PDAP1: variants seen among roughly 807,000 people sequenced by gnomAD.
PDAP1 encodes the protein PDGFA associated protein 1.
In PDAP1, 13 loss-of-function variants were observed where a neutral mutation model predicts 28.0. The ratio of observed to expected loss-of-function variants is 0.46; its 90% CI spans 0.30 to 0.74. The LOEUF (loss-of-function observed/expected upper bound fraction) is 0.74. Ranked by LOEUF, PDAP1 falls within the 30% of genes least tolerant of loss-of-function variation. The pLI, the probability that PDAP1 is intolerant of heterozygous loss-of-function variation, is 0.07. For missense variants in PDAP1, 150 were observed against 230.0 expected, an observed-to-expected ratio of 0.65 and a Z score of 2.25; for synonymous variants, 77 against 85.1, an observed-to-expected ratio of 0.91 and a Z score of 0.52.
chr7:99,397,063 G>A (rs1172525851), intron 5 of PDAP1, among the ~76,000 whole-genome samples: 3 of 152,126 alleles, frequency 2.0e-5, no homozygotes, highest in Non-Finnish European at 4.4e-5. Flanking sequence ...CTCCCTCCAC[G>A]GGTTCTGAAG....
chr7:99,406,968 C>T (rs1794983118), intron 1 of PDAP1, among the ~76,000 whole-genome samples: 1 of 152,192 alleles, frequency 6.6e-6, no homozygotes, highest in Non-Finnish European at 1.5e-5. Context: ...TTCTTGCTCT[C>T]TTAATACACC....
intron 1 of PDAP1, 79 bp from the exon 2 acceptor site, chr7:99,405,032 G>A: frequency 9.4e-7 from 1 of 1,063,552 alleles, no homozygotes; most frequent in East Asian, 2.4e-5. Flanking sequence ...GTCCTGCTTG[G>A]AGTACTCTCA....
intron 3 of PDAP1, among the ~76,000 whole-genome samples, chr7:99,402,755 G>A (rs1467732846): frequency 9.3e-5 from 14 of 151,124 alleles, no homozygotes; most frequent in South Asian, 4.2e-4. Flanking sequence ...GGTGGCAGGC[G>A]CCTGTAGTCC....
In PDAP1 at chr7:99,400,394, C is replaced by T. The variant is rs1217427634; in HGVS notation, c.244G>A (p.Asp82Asn). The change falls in exon 4 of 6, where the codon GAC (aspartate) becomes AAC (asparagine). Residue 82 changes from aspartate to asparagine, a missense_variant. By Grantham distance (23) the Asp-to-Asn change is conservative. Transcript: ENST00000350498. ...GCCACCCGGTTGGGGTTCTCGATGT[C>T]GATGAGCCCTTCAACGCCTTTGCGC... ...QKRKGVEGLI[D>N]IENPNRVAQT... The T allele has an allele frequency of 1.4e-5, 22 of 1,614,004 alleles. No individual in the cohort carries two copies. Among genetic ancestry groups the T allele is most frequent in the Admixed American group, 1.7e-5 (1 of 59,990 alleles).
In PDAP1 at chr7:99,394,779, TAAAAAAAAA is replaced by T. The variant is rs773085531; in HGVS notation, c.*1894_*1902del. The T allele has an allele frequency of 1.1e-5, 11 of 958,252 alleles. No individual in the cohort carries two copies. In the East Asian group the frequency reaches 1.8e-4, roughly 16 times the overall value. 59.4% of individuals were successfully genotyped at this position (958,252 alleles called of 1,614,324 possible). A position where few individuals can be genotyped will look rare whatever the true frequency, so the allele number is the denominator to read the frequency against. On this transcript the variant is annotated 3_prime_UTR_variant, in exon 6 of 6. Transcript: ENST00000350498. ...GTGGAGGTAATAAAATGCAACTGTGTAAAAAAAAAAAAAAAAAAAAAAGTAATTATGGAC... is the reference window on the plus strand; with the variant it reads ...GTGGAGGTAATAAAATGCAACTGTGTAAAAAAAAAAAAAGTAATTATGGAC...
Position 99,403,462 on chromosome 7 carries a change from T to A in PDAP1, c.149A>T (p.Asp50Val), listed in dbSNP as rs1291510806. Residue 50 changes from aspartate to valine, a missense_variant, in exon 3 of 6, where the codon GAC becomes GTC. Asp to Val is a radical substitution (Grantham distance 152, BLOSUM62 -3). Transcript: ENST00000350498. ...QKEGGDGAAG[D>V]PKKEKKSLDS... Reference sequence around the variant, plus strand: ...TAGAGATTTCTTCTCCTTTTTGGGGTCACCTGCAGCCCCATCTCCACCTTC... The same window carrying A: ...TAGAGATTTCTTCTCCTTTTTGGGGACACCTGCAGCCCCATCTCCACCTTC... 6.2e-7 allele frequency: 1 copy of A among 1,612,714 alleles called. No homozygotes were observed. The highest frequency in any genetic ancestry group is 1.7e-5 in the Admixed American group (1 of 60,002).
At chr7:99,402,898 AAAAGAAAAG>A (rs1794903524) in intron 3 of PDAP1, among the ~76,000 whole-genome samples, 1 of 125,078 alleles carries the variant, frequency 8.0e-6, no homozygotes, top group African/African-American at 4.2e-5. Flanking sequence ...AAAAAAAAAG[AAAAGAAAAG>A]AAAAGAAATG....
chr7:99,405,400 C>G lies in PDAP1; in HGVS notation c.14-447G>C, dbSNP rs935543242. ...TTTGAGACGGAGTCTCGCTCTGTCA[C>G]CCAAGCTGGAGTGCAGTGGCGCAAT... On this transcript the variant is annotated intron_variant, in intron 1 of 5. Transcript: ENST00000350498. Among the ~76,000 whole-genome samples the G allele has an allele frequency of 3.3e-5, 5 of 150,044 alleles. No homozygotes were observed. In the South Asian group the frequency reaches 8.4e-4, roughly 25 times the overall value.
intron 1 of PDAP1, among the ~76,000 whole-genome samples, chr7:99,406,092 T>C (rs1794965561): frequency 6.6e-6 from 1 of 152,018 alleles, no homozygotes; most frequent in Non-Finnish European, 1.5e-5. Context: ...CTACTAAAAA[T>C]ACAAAAATTA....
At chr7:99,401,794 T>A (rs1314440360) in intron 3 of PDAP1, among the ~76,000 whole-genome samples, 1 of 148,864 alleles carries the variant, frequency 6.7e-6, no homozygotes, top group Non-Finnish European at 1.5e-5. Context: ...CCTCCCGGGT[T>A]CACGCCATTC....
rs1346227437 is a variant in PDAP1 at position 99,396,464 on chromosome 7, ATCTT to A, written c.*214_*217del. 1.7e-6 allele frequency: 1 copy of A among 602,034 alleles called. No individual in the cohort carries two copies. The highest frequency in any genetic ancestry group is 3.0e-6 in the Non-Finnish European group (1 of 337,746). 37.3% of individuals were successfully genotyped at this position (602,034 alleles called of 1,614,324 possible). ...GGTTACATATGAAATGCTGTCCTGC[ATCTT>A]TCTGTCTCAAAGATAGCAGCTACCC... On this transcript the variant is annotated 3_prime_UTR_variant, in exon 6 of 6. Coordinates refer to ENST00000350498, the MANE Select transcript of PDAP1 (RefSeq NM_014891.7).
At chr7:99,400,188 G>T in intron 4 of PDAP1, 115 bp downstream of exon 4, 1 of 1,171,200 alleles carries the variant, frequency 8.5e-7, no homozygotes, top group Non-Finnish European at 1.2e-6. Flanking sequence ...GGGCCATTGG[G>T]GAATGAGACA....
In PDAP1 at chr7:99,394,698, G is replaced by GGAAA; in HGVS notation, c.*1983_*1984insTTTC. 1 of 1,163,610 alleles carries GGAAA rather than the reference G, an allele frequency of 8.6e-7. No individual in the cohort carries two copies. Among genetic ancestry groups the GGAAA allele is most frequent in the African/African-American group, 1.9e-5 (1 of 53,368 alleles). The allele number at this position is 1,163,610 out of a possible 1,614,324, so 72.1% of individuals were successfully genotyped here. On this transcript the variant is annotated 3_prime_UTR_variant, in exon 6 of 6. Coordinates refer to ENST00000350498, the MANE Select transcript of PDAP1 (RefSeq NM_014891.7). ...TTTTTCTTAAATGCTTTCATTTATT[G>GGAAA]AAAAAAAAAAAAAATGCCCCCAAAG...
chr7:99,405,980 A>T (rs1794963932), intron 1 of PDAP1, among the ~76,000 whole-genome samples: 2 of 152,150 alleles, frequency 1.3e-5, no homozygotes, highest in African/African-American at 4.8e-5. Flanking sequence ...ATCCAGGCAC[A>T]GTGGCTGATG....
chr7:99,406,156 G>A (rs553174416), intron 1 of PDAP1, among the ~76,000 whole-genome samples: 1 of 152,324 alleles, frequency 6.6e-6, no homozygotes, highest in South Asian at 2.1e-4. Flanking sequence ...GGCTGAGAAA[G>A]GAGAATCGCT....
In PDAP1 at chr7:99,395,004, T is replaced by A; in HGVS notation, c.*1678A>T. 1 of 266,826 alleles carries A rather than the reference T, an allele frequency of 3.7e-6. No homozygotes were observed. The highest frequency in any genetic ancestry group is 6.2e-6 in the Non-Finnish European group (1 of 160,182). 16.5% of individuals were successfully genotyped at this position (266,826 alleles called of 1,614,324 possible). A position where few individuals can be genotyped will look rare whatever the true frequency, so the allele number is the denominator to read the frequency against. ...TATTTTTACTGCTTGCCAACAAAATTGATCCTGAAGCCCAACGGCCTTATG... is the reference window on the plus strand; with the variant it reads ...TATTTTTACTGCTTGCCAACAAAATAGATCCTGAAGCCCAACGGCCTTATG... On this transcript the variant is annotated 3_prime_UTR_variant, in exon 6 of 6. Transcript: ENST00000350498.
chr7:99,404,229 G>A (rs533071915), intron 2 of PDAP1, among the ~76,000 whole-genome samples: 2 of 152,256 alleles, frequency 1.3e-5, no homozygotes, highest in African/African-American at 2.4e-5. Context: ...GTACCCATCT[G>A]GCCCTGACTG....
At chr7:99,407,523 ATG>A (rs1795002187) in intron 1 of PDAP1, among the ~76,000 whole-genome samples, 1 of 152,228 alleles carries the variant, frequency 6.6e-6, no homozygotes, top group Non-Finnish European at 1.5e-5. Flanking sequence ...CTACAGGCAG[ATG>A]TTTCTGTGGG....
chr7:99,408,564 TGCG>T lies in PDAP1; in HGVS notation c.-19_-17del, dbSNP rs753335575. On this transcript the variant is annotated 5_prime_UTR_variant, in exon 1 of 6. Transcript: ENST00000350498. Reference sequence around the variant, plus strand: ...CTTTAGGCATTGCGGCTCCGGCGGCTGCGGCGGCGGCGGCGGCGCCTCGAACTG... The same window carrying T: ...CTTTAGGCATTGCGGCTCCGGCGGCTGCGGCGGCGGCGGCGCCTCGAACTG... 840 of 1,249,412 alleles carry T rather than the reference TGCG, an allele frequency of 6.7e-4. No individual in the cohort carries two copies. Among genetic ancestry groups the T allele is most frequent in the South Asian group, 5.1e-3 (193 of 37,692 alleles). 77.4% of individuals were successfully genotyped at this position (1,249,412 alleles called of 1,614,324 possible).
Sources: allele counts gnomAD v4.1 joint callset (sites outside exome capture counted in the v4.1 genomes callset), GRCh38; gene constraint gnomAD v4.1.1; transcripts MANE v1.5; gene names NCBI Gene and HGNC (gene_info 2026-07-23, HGNC 2026-07-21).